NPIPA1: variants seen among roughly 807,000 people sequenced by gnomAD.
The protein encoded by NPIPA1 is nuclear pore complex interacting protein family member A1, also known as nuclear pore complex-interacting protein family member A1.
For synonymous variants in NPIPA1, 7 were observed against 88.0 expected (o/e 0.08, Z 5.15); for missense variants, 22 against 232.2 (o/e 0.09, Z 5.88).
At chr16:14,943,056 T>C (rs1392442173) in intron 2 of NPIPA1, among the ~76,000 whole-genome samples, 1 of 152,268 alleles carries the variant, frequency 6.6e-6, no homozygotes, top group Non-Finnish European at 1.5e-5. Context: ...ACAGAAAATA[T>C]ATGAGTTATG....
intron 5 of NPIPA1, chr16:14,949,542 G>C (rs1419287061): frequency 3.0e-6 from 1 of 335,318 alleles, no homozygotes; most frequent in Non-Finnish European, 5.4e-6. Flanking sequence ...GTAAGCAAGA[G>C]GAGGAATCAA....
chr16:14,947,673 C>T (rs1415677492), intron 4 of NPIPA1, among the ~76,000 whole-genome samples: 9 of 152,070 alleles, frequency 5.9e-5, no homozygotes, highest in African/African-American at 2.2e-4. Flanking sequence ...GCCATGTTAG[C>T]AATTTGATGT....
At chr16:14,944,956 T>G (rs1174724345) in intron 2 of NPIPA1, among the ~76,000 whole-genome samples, 13 of 149,236 alleles carry the variant, frequency 8.7e-5, no homozygotes, top group East Asian at 2.1e-4. Context: ...TTGTTGCCCA[T>G]GTTGGAGTGC....
intron 2 of NPIPA1, among the ~76,000 whole-genome samples, chr16:14,945,030 G>T (rs1168194629): frequency 3.4e-5 from 5 of 147,424 alleles, no homozygotes; most frequent in African/African-American, 7.4e-5. Flanking sequence ...TCCTGCCTCA[G>T]CCTCCCGACT....
chr16:14,940,262 T>G (rs1597170711), intron 1 of NPIPA1, among the ~76,000 whole-genome samples: 1 of 10,868 alleles, frequency 9.2e-5, no homozygotes, highest in Admixed American at 8.6e-4. Context: ...TTCATTGTAT[T>G]TTTTTTTTTT....
chr16:14,943,740 C>T (rs1167498091), intron 2 of NPIPA1, among the ~76,000 whole-genome samples: 6 of 151,928 alleles, frequency 3.9e-5, no homozygotes, highest in Non-Finnish European at 5.9e-5. Context: ...GACGTGGTTG[C>T]TCTTTTCATC....
At chr16:14,946,941 A>C (rs1476261077) in intron 4 of NPIPA1, among the ~76,000 whole-genome samples, 169 of 150,662 alleles carry the variant, frequency 1.1e-3, no homozygotes, top group African/African-American at 1.8e-3. Flanking sequence ...GATCCGCACA[A>C]CTCGGCCTCC....
At chr16:14,947,317 A>G (rs1228931152) in intron 4 of NPIPA1, among the ~76,000 whole-genome samples, 1 of 152,100 alleles carries the variant, frequency 6.6e-6, no homozygotes, top group African/African-American at 2.4e-5. Context: ...CTTCTGGGGG[A>G]TGGTCAGGGG....
chr16:14,944,907 A>ATAT (rs1555533529), intron 2 of NPIPA1, among the ~76,000 whole-genome samples: 6 of 123,126 alleles, frequency 4.9e-5, no homozygotes, highest in African/African-American at 1.9e-4. Flanking sequence ...CCTGGCCTAT[A>ATAT]TTTTTTTTTT....
intron 4 of NPIPA1, among the ~76,000 whole-genome samples, chr16:14,946,688 ATTTTTTTTTTT>A (rs57059259): frequency 3.3e-4 from 30 of 89,940 alleles, no homozygotes; most frequent in Admixed American, 3.3e-3. Flanking sequence ...CATTCGGCCA[ATTTTTTTTTTT>A]TTTTTTTTTT....
At chr16:14,942,627 GC>G (rs1567574338) in intron 2 of NPIPA1, among the ~76,000 whole-genome samples, 1 of 152,096 alleles carries the variant, frequency 6.6e-6, no homozygotes, top group Non-Finnish European at 1.5e-5. Context: ...GTCTCATGAT[GC>G]AGAGAAAGCC....
chr16:14,942,233 AGT>A (rs1284974869), intron 2 of NPIPA1, among the ~76,000 whole-genome samples: 1 of 130,512 alleles, frequency 7.7e-6, no homozygotes, highest in Non-Finnish European at 1.6e-5. Context: ...TAAATGGGAA[AGT>A]CTTTCTAAAC....
At chr16:14,947,133 G>A (rs1253027503) in intron 4 of NPIPA1, among the ~76,000 whole-genome samples, 1 of 152,244 alleles carries the variant, frequency 6.6e-6, no homozygotes, top group African/African-American at 2.4e-5. Context: ...TCAATGCTTG[G>A]GTCACCTCCA....
intron 2 of NPIPA1, among the ~76,000 whole-genome samples, chr16:14,943,079 C>A (rs1965790478): frequency 1.3e-5 from 2 of 151,924 alleles, no homozygotes; most frequent in African/African-American, 4.8e-5. Flanking sequence ...GATATCTAGG[C>A]ACATTTAACA....
chr16:14,941,591 A>G (rs1965756463), intron 1 of NPIPA1: 1 of 83,066 alleles, frequency 1.2e-5, no homozygotes, highest in Non-Finnish European at 2.0e-5. Flanking sequence ...AAGAAAGACA[A>G]CACCCCACAT....
chr16:14,942,451 T>G (rs62038530), intron 2 of NPIPA1, among the ~76,000 whole-genome samples: 973 of 139,704 alleles, frequency 7.0e-3, no homozygotes, highest in East Asian at 0.025. Flanking sequence ...CTTCTGAGGG[T>G]AGAGGGAGAT....
At chr16:14,945,174 G>C (rs1475235143) in intron 2 of NPIPA1, among the ~76,000 whole-genome samples, 1 of 150,984 alleles carries the variant, frequency 6.6e-6, no homozygotes, top group African/African-American at 2.4e-5. Context: ...GCCTCCCAAA[G>C]TGCTGGGATT....
At chr16:14,938,742 C>CT (rs1207569602) in intron 1 of NPIPA1, among the ~76,000 whole-genome samples, 4 of 149,402 alleles carry the variant, frequency 2.7e-5, no homozygotes, top group South Asian at 2.1e-4. Flanking sequence ...GGTTTGATGA[C>CT]TTTTTTTTTT....
chr16:14,937,914 T>C (rs1965655130), intron 1 of NPIPA1, among the ~76,000 whole-genome samples: 1 of 146,850 alleles, frequency 6.8e-6, no homozygotes, highest in Non-Finnish European at 1.5e-5. Flanking sequence ...CCGCGTGTCC[T>C]GTTGCTTCCC....
Sources: gnomAD v4.1 joint callset for allele counts (sites outside exome capture counted in the v4.1 genomes callset) on GRCh38, gnomAD v4.1.1 for gene constraint, MANE v1.5 for transcripts, NCBI Gene and HGNC (gene_info 2026-07-23, HGNC 2026-07-21) for gene names.